Variants in ENTPD1 observed in about 807,000 individuals in gnomAD.
The protein encoded by ENTPD1 is ectonucleoside triphosphate diphosphohydrolase 1.
A neutral mutation model predicts 57.0 loss-of-function variants in ENTPD1; 33 were observed. The observed-to-expected ratio is 0.58, with a 90% confidence interval of 0.44 to 0.77. The LOEUF is 0.77. ENTPD1 is among the 30% of genes least tolerant of loss of function. The pLI is 0.00. For synonymous variants in ENTPD1, 202 were observed against 218.8 expected (o/e 0.92, Z 0.68); for missense variants, 501 against 603.4 (o/e 0.83, Z 1.78).
At chr10:95,765,166 C>A (rs192376139) in intron 1 of ENTPD1, among the ~76,000 whole-genome samples, 2 of 152,234 alleles carry the variant, frequency 1.3e-5, no homozygotes, top group Non-Finnish European at 2.9e-5. Flanking sequence ...GTGTTGTTTG[C>A]AGCACAAAAT....
At chr10:95,727,840 A>G (rs1225724112) in intron 1 of ENTPD1, among the ~76,000 whole-genome samples, 1 of 152,242 alleles carries the variant, frequency 6.6e-6, no homozygotes, top group African/African-American at 2.4e-5. Flanking sequence ...TACTCCTAGC[A>G]GTCTGATGCC....
At chr10:95,734,048 C>T (rs992133581) in intron 1 of ENTPD1, among the ~76,000 whole-genome samples, 1 of 152,146 alleles carries the variant, frequency 6.6e-6, no homozygotes, top group Admixed American at 6.5e-5. Context: ...CATGGTGTCT[C>T]AGAGATGCTC....
At chr10:95,839,880 A>T in intron 3 of ENTPD1, 72 bp downstream of exon 3, 1 of 1,485,320 alleles carries the variant, frequency 6.7e-7, no homozygotes, top group Non-Finnish European at 9.4e-7. Context: ...TGACCAGTAG[A>T]ACACAAGAGA....
chr10:95,738,247 G>A (rs956739125), intron 1 of ENTPD1, among the ~76,000 whole-genome samples: 1 of 152,242 alleles, frequency 6.6e-6, no homozygotes, highest in African/African-American at 2.4e-5. Context: ...TTAGCCCCTG[G>A]AATCTCTGTG....
At chr10:95,762,568 T>C (rs1249624765) in intron 1 of ENTPD1, among the ~76,000 whole-genome samples, 4 of 152,194 alleles carry the variant, frequency 2.6e-5, no homozygotes, top group African/African-American at 9.7e-5. Context: ...GCGTGGTCTT[T>C]GTTAGCGTAA....
chr10:95,836,319 A>G (rs993015052), intron 2 of ENTPD1, among the ~76,000 whole-genome samples: 5 of 152,078 alleles, frequency 3.3e-5, no homozygotes, highest in African/African-American at 1.2e-4. Context: ...TTTGGTCTGT[A>G]TGAATTTTAG....
At chr10:95,706,276 C>T in the ENTPD1 span, among the ~76,000 whole-genome samples, 9 of 152,176 alleles carry the variant, frequency 5.9e-5, no homozygotes, top group Non-Finnish European at 1.0e-4. Context: ...TCCTAGAAAC[C>T]TCTGTGGCCA....
At chr10:95,837,594 G>A (rs569037792) in intron 2 of ENTPD1, among the ~76,000 whole-genome samples, 2 of 152,284 alleles carry the variant, frequency 1.3e-5, no homozygotes, top group East Asian at 1.9e-4. Flanking sequence ...TCCCCACTGT[G>A]TGTAACTAGG....
intron 5 of ENTPD1, 145 bp from the exon 6 acceptor site, chr10:95,845,211 CT>C (rs2098432383): frequency 7.7e-6 from 8 of 1,036,746 alleles, no homozygotes; most frequent in Non-Finnish European, 1.2e-5. Flanking sequence ...TGCTGATAAT[CT>C]GTTGTAGATC....
Position 95,845,614 on chromosome 10 carries a change from CA to C in ENTPD1, c.813+19del, listed in dbSNP as rs760871790. Reference sequence around the variant, plus strand: ...ACATTCAGGCAAGTATAACTCAATCCAGACCTGCCCCCTTCACATCTGCACC... The same window carrying C: ...ACATTCAGGCAAGTATAACTCAATCCGACCTGCCCCCTTCACATCTGCACC... On this transcript the variant is annotated intron_variant, in intron 6 of 9. Coordinates refer to ENST00000371205, the MANE Select transcript of ENTPD1 (RefSeq NM_001776.6). 5.0e-6 allele frequency: 8 copies of C among 1,614,226 alleles called. No homozygotes were observed. The South Asian group carries it at 8.8e-5, about 18-fold the overall frequency.
At chr10:95,768,467 C>T (rs1230680818) in intron 1 of ENTPD1, among the ~76,000 whole-genome samples, 1 of 151,384 alleles carries the variant, frequency 6.6e-6, no homozygotes, top group Non-Finnish European at 1.5e-5. Flanking sequence ...CTTTCTCTTT[C>T]CCTCTCTTTC....
rs150336455 is a variant in ENTPD1 at position 95,823,487 on chromosome 10, A to G, written c.144+123A>G. ...TTGAGGTTCTAACAGCCCAGGAACAAGTCAATTTCCACTGGATTAGGGGAG... is the reference window on the plus strand; with the variant it reads ...TTGAGGTTCTAACAGCCCAGGAACAGGTCAATTTCCACTGGATTAGGGGAG... On this transcript the variant is annotated intron_variant, in intron 2 of 9. Coordinates refer to ENST00000371205, the MANE Select transcript of ENTPD1 (RefSeq NM_001776.6). The G allele has an allele frequency of 6.0e-3, 8,716 of 1,455,478 alleles. 33 individuals carry two copies. Among genetic ancestry groups the G allele is most frequent in the Non-Finnish European group, 7.2e-3 (7,597 of 1,054,224 alleles). 90.2% of individuals were successfully genotyped at this position (1,455,478 alleles called of 1,614,324 possible).
intron 7 of ENTPD1, among the ~76,000 whole-genome samples, chr10:95,857,949 T>G (rs1052136962): frequency 1.3e-5 from 2 of 151,834 alleles, no homozygotes; most frequent in Non-Finnish European, 2.9e-5. Context: ...ATCACGAGGT[T>G]AGGAGATTGA....
At chr10:95,712,102 T>A in intron 1 of ENTPD1, 1 of 1,515,260 alleles carries the variant, frequency 6.6e-7, no homozygotes, top group Admixed American at 1.8e-5. Flanking sequence ...AAAACCTTGA[T>A]TAATGAGAAA....
chr10:95,795,189 C>A (rs894276547), intron 1 of ENTPD1, among the ~76,000 whole-genome samples: 1 of 152,028 alleles, frequency 6.6e-6, no homozygotes, highest in Non-Finnish European at 1.5e-5. Flanking sequence ...GAGAGGGTTA[C>A]ATGGCATTGA....
At chr10:95,837,711 C>G (rs1240843840) in intron 2 of ENTPD1, among the ~76,000 whole-genome samples, 1 of 152,134 alleles carries the variant, frequency 6.6e-6, no homozygotes, top group Non-Finnish European at 1.5e-5. Flanking sequence ...TCAATAGGCT[C>G]TACTTTTAGC....
chr10:95,835,795 G>GT (rs34077465), intron 2 of ENTPD1, among the ~76,000 whole-genome samples: 75,822 of 151,726 alleles, frequency 0.5, 19,423 homozygotes, highest in Admixed American at 0.6. Context: ...TCTGTCACTG[G>GT]TTTTTTTTGC....
Position 95,876,744 on chromosome 10 carries a change from C to A in ENTPD1, c.*10361C>A. 1 of 846,062 alleles carries A rather than the reference C, an allele frequency of 1.2e-6. No individual in the cohort carries two copies. 52.4% of individuals were successfully genotyped at this position (846,062 alleles called of 1,614,324 possible). On this transcript the variant is annotated 3_prime_UTR_variant, in exon 10 of 10. Coordinates refer to ENST00000371205, the MANE Select transcript of ENTPD1 (RefSeq NM_001776.6). ...AAAGTAGAAAAATATAATACACATC[C>A]ATGTGCCCATCACAGAACTTCACTG...
At chr10:95,723,830 C>T (rs1449327730) in intron 1 of ENTPD1, among the ~76,000 whole-genome samples, 1 of 152,080 alleles carries the variant, frequency 6.6e-6, no homozygotes, top group Non-Finnish European at 1.5e-5. Flanking sequence ...CTAGGCAGAC[C>T]AACATTCCCA....
Sources: gnomAD v4.1 joint callset for allele counts (sites outside exome capture counted in the v4.1 genomes callset) on GRCh38, gnomAD v4.1.1 for gene constraint, MANE v1.5 for transcripts, NCBI Gene and HGNC (gene_info 2026-07-23, HGNC 2026-07-21) for gene names.